The following MAP2 variants were observed in gnomAD, a reference collection of about 807,000 sequenced individuals.
The protein encoded by MAP2 is microtubule associated protein 2.
MAP2 carries 14 observed loss-of-function variants against 137.6 expected under a neutral mutation model. The ratio of observed to expected loss-of-function variants is 0.10; its 90% CI spans 0.07 to 0.16. The LOEUF is 0.16. Ranked by LOEUF, MAP2 falls within the 10% of genes least tolerant of loss-of-function variation. The probability of loss-of-function intolerance (pLI) is 1.00; values close to 1 mark genes in which losing one functional copy is unlikely to be tolerated. For synonymous variants in MAP2, 786 were observed against 782.3 expected (o/e 1.00, Z -0.08); for missense variants, 2,088 against 2,191.5 (o/e 0.95, Z 0.94).
intron 4 of MAP2, among the ~76,000 whole-genome samples, chr2:209,626,144 G>A (rs997833640): frequency 6.6e-6 from 1 of 152,114 alleles, no homozygotes; most frequent in African/African-American, 2.4e-5. Context: ...TAGGCCGGGT[G>A]TGGTGGCTCA....
chr2:209,534,010 T>A (rs1204284945), intron 2 of MAP2, among the ~76,000 whole-genome samples: 1 of 152,192 alleles, frequency 6.6e-6, no homozygotes, highest in Non-Finnish European at 1.5e-5. Flanking sequence ...CCAAGAGACC[T>A]GGCTTCAAAG....
chr2:209,729,379 A>G (rs775523833), intron 14 of MAP2, among the ~76,000 whole-genome samples: 1 of 152,316 alleles, frequency 6.6e-6, no homozygotes, highest in Admixed American at 6.5e-5. Context: ...TATTGCCCAC[A>G]TGTGCACCAC....
chr2:209,593,631 AAAAATATATATATATAT>A (rs2079963623), intron 3 of MAP2, among the ~76,000 whole-genome samples: 2 of 63,876 alleles, frequency 3.1e-5, no homozygotes, highest in African/African-American at 1.3e-4. Context: ...AAAAAAAAAA[AAAAATATATATATATAT>A]ATATATATAT....
intron 7 of MAP2, among the ~76,000 whole-genome samples, chr2:209,686,809 C>T (rs1489156959): frequency 6.6e-6 from 1 of 152,052 alleles, no homozygotes; most frequent in East Asian, 1.9e-4. Context: ...AGGTTTGAAA[C>T]ATGAAAAACA....
At chr2:209,553,719 T>C (rs2069779657) in intron 2 of MAP2, among the ~76,000 whole-genome samples, 1 of 152,232 alleles carries the variant, frequency 6.6e-6, no homozygotes, top group Non-Finnish European at 1.5e-5. Context: ...TCTACACTTA[T>C]TTAATTTGTC....
At chr2:209,467,328 C>T (rs1168332453) in intron 1 of MAP2, among the ~76,000 whole-genome samples, 2 of 151,970 alleles carry the variant, frequency 1.3e-5, no homozygotes, top group Non-Finnish European at 2.9e-5. Context: ...TTCCAAATTC[C>T]ATCTTCTGTC....
In MAP2 at chr2:209,730,229, G is replaced by A; in HGVS notation, c.5316G>A (p.Val1772=). 1 of 1,614,072 alleles carries A rather than the reference G, an allele frequency of 6.2e-7. No homozygotes were observed. The highest frequency in any genetic ancestry group is 8.5e-7 in the Non-Finnish European group (1 of 1,180,000). ...LNFREHAKAR[V]DHGAEIITQS... Reference sequence around the variant, plus strand: ...TCAGAGAGCATGCTAAAGCCCGTGTGGACCATGGGGCTGAGATCATTACAC... The same window carrying A: ...TCAGAGAGCATGCTAAAGCCCGTGTAGACCATGGGGCTGAGATCATTACAC... Residue 1772 remains valine, a synonymous_variant, in exon 16 of 16, where the codon GTG becomes GTA. Coordinates refer to ENST00000682079, the MANE Select transcript of MAP2 (RefSeq NM_001375505.1).
intron 2 of MAP2, among the ~76,000 whole-genome samples, chr2:209,547,392 T>C (rs6717649): frequency 0.027 from 4,089 of 152,204 alleles, 187 homozygotes; most frequent in African/African-American, 0.094. Context: ...ACTTAGTTTT[T>C]AAGTTCCTCA....
At chr2:209,524,677 T>A (rs1451892670) in intron 2 of MAP2, among the ~76,000 whole-genome samples, 1 of 152,164 alleles carries the variant, frequency 6.6e-6, no homozygotes, top group Admixed American at 6.5e-5. Context: ...TTCAATAAAT[T>A]ACTTTGACTC....
At chr2:209,481,107 A>G (rs1383423220) in intron 1 of MAP2, among the ~76,000 whole-genome samples, 1 of 152,212 alleles carries the variant, frequency 6.6e-6, no homozygotes, top group East Asian at 1.9e-4. Flanking sequence ...CTTGTGTTAC[A>G]AACTGAATTT....
chr2:209,435,965 T>TA (rs1559159238), intron 1 of MAP2, among the ~76,000 whole-genome samples: 1 of 138,096 alleles, frequency 7.2e-6, no homozygotes, highest in Non-Finnish European at 1.5e-5. Context: ...ACAGTATATA[T>TA]TATATATAAT....
chr2:209,443,437 G>A (rs1331030994), intron 1 of MAP2, among the ~76,000 whole-genome samples: 2 of 151,554 alleles, frequency 1.3e-5, no homozygotes, highest in African/African-American at 4.8e-5. Flanking sequence ...TTTAGCTTTT[G>A]CTAGTGATTA....
At chr2:209,648,491 T>C (rs2094550794) in intron 4 of MAP2, among the ~76,000 whole-genome samples, 1 of 151,994 alleles carries the variant, frequency 6.6e-6, no homozygotes, top group South Asian at 2.1e-4. Context: ...AAGATTCCCA[T>C]TGCAATATAT....
intron 2 of MAP2, among the ~76,000 whole-genome samples, chr2:209,553,993 T>G (rs1194941134): frequency 2.0e-5 from 3 of 152,128 alleles, no homozygotes; most frequent in Admixed American, 6.5e-5. Context: ...CACAACTGAC[T>G]CGAGAGTGGG....
chr2:209,505,221 AG>A (rs2150166614), intron 1 of MAP2, among the ~76,000 whole-genome samples: 2 of 152,328 alleles, frequency 1.3e-5, no homozygotes, highest in South Asian at 4.1e-4. Context: ...AAGATCCTCT[AG>A]GCCAAAAGAT....
Position 209,730,418 on chromosome 2 carries a change from AAAT to A in MAP2, c.*29_*31del. ...TGTGAATATTTCTCATTTAGCATTG[AAAT>A]AATAATATTTAGGCATGAGCTCTTG... is the stretch of plus-strand genomic sequence containing the variant. On this transcript the variant is annotated 3_prime_UTR_variant, in exon 16 of 16. Coordinates refer to ENST00000682079, the MANE Select transcript of MAP2 (RefSeq NM_001375505.1). 1 of 1,583,602 alleles carries A rather than the reference AAAT, an allele frequency of 6.3e-7. No individual in the cohort carries two copies. The highest frequency in any genetic ancestry group is 1.7e-5 in the Admixed American group (1 of 59,416).
At chr2:209,481,002 C>T (rs1487072743) in intron 1 of MAP2, among the ~76,000 whole-genome samples, 1 of 152,098 alleles carries the variant, frequency 6.6e-6, no homozygotes. Flanking sequence ...GGTACCAGTA[C>T]CTTCGAGGTT....
At chr2:209,487,826 G>T (rs781522327) in intron 1 of MAP2, among the ~76,000 whole-genome samples, 2 of 152,024 alleles carry the variant, frequency 1.3e-5, no homozygotes, top group Non-Finnish European at 2.9e-5. Context: ...CATAAACCTT[G>T]AGTAAGGTAG....
intron 4 of MAP2, among the ~76,000 whole-genome samples, chr2:209,651,242 G>A (rs1427683273): frequency 6.6e-6 from 1 of 152,114 alleles, no homozygotes; most frequent in African/African-American, 2.4e-5. Flanking sequence ...TACACAGGGA[G>A]AGGTTAATTC....
Sources: allele counts gnomAD v4.1 joint callset (sites outside exome capture counted in the v4.1 genomes callset), GRCh38; gene constraint gnomAD v4.1.1; transcripts MANE v1.5; gene names NCBI Gene and HGNC (gene_info 2026-07-23, HGNC 2026-07-21).